Variants in TRPM3 observed in about 807,000 individuals in gnomAD.
TRPM3 encodes the protein transient receptor potential cation channel subfamily M member 3, also known as long transient receptor potential channel 3.
Under a neutral mutation model 181.2 loss-of-function variants are expected in TRPM3, and 77 were observed. The observed-to-expected ratio is 0.42, with a 90% CI of 0.35 to 0.51. The LOEUF is 0.51. Ranked by LOEUF, TRPM3 falls within the 20% of genes least tolerant of loss-of-function variation. TRPM3 has a pLI of 0.01. For synonymous variants in TRPM3, 745 were observed against 796.4 expected (o/e 0.94, Z 1.09); for missense variants, 1,759 against 2,196.7 (o/e 0.80, Z 3.98).
intron 5 of TRPM3, among the ~76,000 whole-genome samples, chr9:70,829,091 C>T: frequency 6.6e-6 from 1 of 152,124 alleles, no homozygotes; most frequent in East Asian, 1.9e-4. Flanking sequence ...TGTATTGAAT[C>T]ATCAAAATTG....
chr9:71,191,838 G>A (rs1279888085), intron 1 of TRPM3, among the ~76,000 whole-genome samples: 4 of 149,154 alleles, frequency 2.7e-5, no homozygotes, highest in Non-Finnish European at 5.9e-5. Context: ...ACTGAAGTGT[G>A]ACTTTCAGCC....
intron 1 of TRPM3, among the ~76,000 whole-genome samples, chr9:71,245,822 A>G (rs987152177): frequency 1.2e-4 from 18 of 152,230 alleles, no homozygotes; most frequent in African/African-American, 4.3e-4. Flanking sequence ...GGAGACAGGA[A>G]CAGATGTCAA....
At chr9:70,552,701 C>G in intron 24 of TRPM3, 143 bp downstream of exon 24, 1 of 815,036 alleles carries the variant, frequency 1.2e-6, no homozygotes, top group Non-Finnish European at 2.1e-6. Context: ...CCCTCATCCC[C>G]CAATGCTCTC....
intron 1 of TRPM3, among the ~76,000 whole-genome samples, chr9:71,312,010 G>A (rs1036122222): frequency 1.3e-5 from 2 of 152,040 alleles, no homozygotes; most frequent in Non-Finnish European, 2.9e-5. Context: ...TGGGTATGGT[G>A]GTGACCTTTT....
chr9:71,075,278 G>C (rs567596357), intron 1 of TRPM3, among the ~76,000 whole-genome samples: 3 of 152,056 alleles, frequency 2.0e-5, no homozygotes, highest in African/African-American at 7.2e-5. Flanking sequence ...CACAAGATTC[G>C]AGCCTTTCAC....
Position 70,616,070 on chromosome 9 carries a change from A to T in TRPM3, c.2364T>A (p.Ile788=). 3 of 1,590,964 alleles carry T rather than the reference A, an allele frequency of 1.9e-6. No homozygotes were observed. The highest frequency in any genetic ancestry group is 2.6e-6 in the Non-Finnish European group (3 of 1,170,038). The stretch of plus-strand genomic sequence containing the variant: ...TTGAAGGAGGAAGTAGAATTCCCAG[A>T]ATTACCTAAAGTAATAATAATGATA... ...RMRKNSGLKV[I]LGILLPPSIL... The change falls in exon 18 of 26, where the codon ATT becomes ATA. Residue 788 remains isoleucine, a synonymous_variant. Transcript: ENST00000677713.
chr9:70,868,002 T>C (rs908565972), intron 1 of TRPM3, among the ~76,000 whole-genome samples: 13 of 152,206 alleles, frequency 8.5e-5, no homozygotes, highest in African/African-American at 3.1e-4. Context: ...ATAGTTTCGA[T>C]GTGCTGTGTT....
chr9:71,195,712 G>A (rs1030962539), intron 1 of TRPM3, among the ~76,000 whole-genome samples: 1 of 152,072 alleles, frequency 6.6e-6, no homozygotes, highest in Non-Finnish European at 1.5e-5. Flanking sequence ...CAACCTAAAC[G>A]CCCATCAGTG....
At chr9:71,074,059 C>CT (rs2063123028) in intron 1 of TRPM3, among the ~76,000 whole-genome samples, 12 of 152,036 alleles carry the variant, frequency 7.9e-5, no homozygotes, top group Admixed American at 7.9e-4. Context: ...TTACAACACG[C>CT]ATTTTTCTCT....
At chr9:71,123,794 T>G (rs1289245752), upstream of TRPM3, among the ~76,000 whole-genome samples, 5 of 152,164 alleles carry the variant, frequency 3.3e-5, no homozygotes, top group Non-Finnish European at 7.3e-5. Context: ...TCTAAGCTTT[T>G]AAATGAACGC....
intron 1 of TRPM3, among the ~76,000 whole-genome samples, chr9:71,021,720 G>A (rs1007994666): frequency 2.6e-5 from 4 of 152,044 alleles, no homozygotes; most frequent in African/African-American, 4.8e-5. Context: ...ATACAAAGTC[G>A]GGAGATCAAG....
At chr9:71,103,421 G>C (rs1218003055) in intron 1 of TRPM3, among the ~76,000 whole-genome samples, 1 of 152,172 alleles carries the variant, frequency 6.6e-6, no homozygotes, top group East Asian at 1.9e-4. Context: ...ATGATCATTT[G>C]AAAACTCTAC....
At chr9:70,611,420 T>C (rs2061983147) in intron 18 of TRPM3, among the ~76,000 whole-genome samples, 1 of 152,108 alleles carries the variant, frequency 6.6e-6, no homozygotes, top group African/African-American at 2.4e-5. Context: ...TGAGAACTGA[T>C]GGTTTTAAAG....
At chr9:71,325,079 G>A (rs936106716) in intron 1 of TRPM3, among the ~76,000 whole-genome samples, 2 of 151,942 alleles carry the variant, frequency 1.3e-5, no homozygotes, top group African/African-American at 4.8e-5. Flanking sequence ...CTCAGGTGAT[G>A]GGTACCTAAA....
chr9:70,659,702 C>A (rs1380058938), intron 9 of TRPM3, among the ~76,000 whole-genome samples: 1 of 152,106 alleles, frequency 6.6e-6, no homozygotes, highest in Non-Finnish European at 1.5e-5. Context: ...ACAATTTGGA[C>A]TGAATTCTAA....
At chr9:71,226,285 C>A (rs935933787) in intron 1 of TRPM3, among the ~76,000 whole-genome samples, 1 of 151,524 alleles carries the variant, frequency 6.6e-6, no homozygotes, top group Non-Finnish European at 1.5e-5. Flanking sequence ...GAGAAGGTGA[C>A]AAAGCTACCT....
intron 8 of TRPM3, among the ~76,000 whole-genome samples, chr9:70,687,043 T>C (rs1378050718): frequency 1.3e-5 from 2 of 151,878 alleles, no homozygotes; most frequent in Non-Finnish European, 2.9e-5. Context: ...GATCTGCCCG[T>C]CTTGGCCTCC....
chr9:70,928,486 C>CA (rs1156878962), intron 1 of TRPM3, among the ~76,000 whole-genome samples: 1 of 152,134 alleles, frequency 6.6e-6, no homozygotes, highest in Admixed American at 6.5e-5. Context: ...TGAGCACAGC[C>CA]AATTATGGTG....
chr9:71,108,642 G>A (rs1461223061), intron 1 of TRPM3, among the ~76,000 whole-genome samples: 1 of 152,190 alleles, frequency 6.6e-6, no homozygotes, highest in Non-Finnish European at 1.5e-5. Flanking sequence ...CAGAATAATA[G>A]ACGAAGCTAA....
Sources: gnomAD v4.1 joint callset for allele counts (sites outside exome capture counted in the v4.1 genomes callset) on GRCh38, gnomAD v4.1.1 for gene constraint, MANE v1.5 for transcripts, NCBI Gene and HGNC (gene_info 2026-07-23, HGNC 2026-07-21) for gene names.